RARB: variants seen among roughly 807,000 people sequenced by gnomAD.
RARB encodes the protein HBV-activated protein.
RARB carries 17 observed loss-of-function variants against 51.9 expected under a neutral mutation model. The ratio of observed to expected loss-of-function variants is 0.33; its 90% CI spans 0.22 to 0.49. The LOEUF (loss-of-function observed/expected upper bound fraction) is 0.49, where lower values mean the gene tolerates loss of function less well. RARB is among the 20% of genes least tolerant of loss of function. RARB has a pLI of 0.99. For missense variants in RARB, 369 were observed against 550.8 expected (o/e 0.67, Z 3.30); for synonymous variants, 215 against 195.4 (o/e 1.10, Z -0.84).
intron 2 of RARB, among the ~76,000 whole-genome samples, chr3:25,052,135 C>A (rs986902459): frequency 6.6e-6 from 1 of 152,192 alleles, no homozygotes; most frequent in Non-Finnish European, 1.5e-5. Flanking sequence ...AATTGGCCTA[C>A]ACCTAACTTA....
chr3:25,297,120 T>C (rs1226363928), intron 5 of RARB, among the ~76,000 whole-genome samples: 2 of 152,176 alleles, frequency 1.3e-5, no homozygotes, highest in African/African-American at 2.4e-5. Context: ...CTTCAGGAAA[T>C]CCATGAACTC....
intron 3 of RARB, among the ~76,000 whole-genome samples, chr3:25,542,577 A>T (rs184469809): frequency 2.6e-5 from 4 of 152,352 alleles, no homozygotes; most frequent in African/African-American, 7.2e-5. Flanking sequence ...GTCTTAACTC[A>T]TCTAAGAATG....
intron 2 of RARB, among the ~76,000 whole-genome samples, chr3:24,877,143 T>G (rs181945851): frequency 1.1e-3 from 172 of 152,146 alleles, no homozygotes; most frequent in African/African-American, 4.0e-3. Context: ...AAGTAATATA[T>G]CTATATATCT....
chr3:25,239,228 A>G (rs969214483), intron 5 of RARB, among the ~76,000 whole-genome samples: 2 of 152,156 alleles, frequency 1.3e-5, no homozygotes, highest in Non-Finnish European at 2.9e-5. Context: ...ATAGTTTGCA[A>G]ATATTTTTCC....
At chr3:25,278,016 T>C (rs974619577) in intron 5 of RARB, among the ~76,000 whole-genome samples, 4 of 152,220 alleles carry the variant, frequency 2.6e-5, no homozygotes, top group East Asian at 1.9e-4. Context: ...ACTCATCCTT[T>C]CATGCAGATA....
intron 5 of RARB, among the ~76,000 whole-genome samples, chr3:25,313,849 C>T (rs1004313417): frequency 2.0e-5 from 3 of 152,144 alleles, no homozygotes; most frequent in African/African-American, 4.8e-5. Context: ...GCAGAAAGAT[C>T]GCTTGAGCCC....
At chr3:25,291,370 T>C (rs1269069840) in intron 5 of RARB, among the ~76,000 whole-genome samples, 1 of 152,136 alleles carries the variant, frequency 6.6e-6, no homozygotes, top group East Asian at 1.9e-4. Context: ...TAAACTTTTC[T>C]TTGTACTCAT....
At chr3:25,040,628 C>T (rs1698093180) in intron 2 of RARB, among the ~76,000 whole-genome samples, 1 of 152,192 alleles carries the variant, frequency 6.6e-6, no homozygotes, top group Middle Eastern at 3.4e-3. Context: ...GCTCGGGAGA[C>T]TGAGGCAGAA....
At chr3:25,049,951 T>C (rs1698293262) in intron 2 of RARB, among the ~76,000 whole-genome samples, 1 of 152,200 alleles carries the variant, frequency 6.6e-6, no homozygotes, top group African/African-American at 2.4e-5. Context: ...TAGTTTGTTG[T>C]TAGTGATGTG....
At chr3:25,176,700 A>G (rs752287586) in intron 5 of RARB, among the ~76,000 whole-genome samples, 29 of 152,188 alleles carry the variant, frequency 1.9e-4, no homozygotes, top group Middle Eastern at 6.8e-3. Flanking sequence ...GGTCTTGGCT[A>G]CTACTGATTT....
chr3:25,433,045 T>G (rs901486313), intron 1 of RARB, among the ~76,000 whole-genome samples: 4 of 152,228 alleles, frequency 2.6e-5, no homozygotes, highest in African/African-American at 7.2e-5. Flanking sequence ...TAATATAAAT[T>G]CAGTTAACTA....
At chr3:24,949,138 C>T (rs867480159) in intron 2 of RARB, among the ~76,000 whole-genome samples, 1 of 152,144 alleles carries the variant, frequency 6.6e-6, no homozygotes, top group Non-Finnish European at 1.5e-5. Flanking sequence ...ACTTGGGAAA[C>T]GTCACTGCAC....
chr3:25,003,933 A>T (rs1249509562), intron 2 of RARB, among the ~76,000 whole-genome samples: 3 of 152,170 alleles, frequency 2.0e-5, no homozygotes, highest in African/African-American at 7.2e-5. Context: ...AACCTAAGAA[A>T]ACAGATTGGC....
intron 5 of RARB, among the ~76,000 whole-genome samples, chr3:25,187,973 A>T (rs1362427587): frequency 6.6e-6 from 1 of 152,116 alleles, no homozygotes; most frequent in Non-Finnish European, 1.5e-5. Flanking sequence ...TTAGAGAATG[A>T]AAATAACAAG....
At chr3:25,052,345 T>C (rs889101071) in intron 2 of RARB, among the ~76,000 whole-genome samples, 38 of 152,180 alleles carry the variant, frequency 2.5e-4, no homozygotes, top group African/African-American at 8.4e-4. Context: ...AAACTCAATT[T>C]TGAGATACAG....
chr3:25,144,288 A>G (rs913820051), intron 4 of RARB, among the ~76,000 whole-genome samples: 3 of 152,274 alleles, frequency 2.0e-5, no homozygotes, highest in East Asian at 1.9e-4. Context: ...GAGGCCCTTC[A>G]AATTCTGCTT....
intron 1 of RARB, among the ~76,000 whole-genome samples, chr3:24,831,308 AT>A (rs1702278105): frequency 1.3e-5 from 2 of 152,222 alleles, no homozygotes; most frequent in South Asian, 4.1e-4. Context: ...ACACATAACA[AT>A]TGATGGTATG....
chr3:25,255,665 G>A (rs1702846681), intron 5 of RARB, among the ~76,000 whole-genome samples: 1 of 151,250 alleles, frequency 6.6e-6, no homozygotes, highest in East Asian at 1.9e-4. Context: ...TTTAGTCTTT[G>A]ATTGTAGAGA....
chr3:25,048,782 G>A (rs1366727908), intron 2 of RARB, among the ~76,000 whole-genome samples: 2 of 141,256 alleles, frequency 1.4e-5, no homozygotes, highest in African/African-American at 5.3e-5. Context: ...TTGAGACGGA[G>A]TCTCGCTCTG....
Sources: gnomAD v4.1 joint callset for allele counts (sites outside exome capture counted in the v4.1 genomes callset) on GRCh38, gnomAD v4.1.1 for gene constraint, MANE v1.5 for transcripts, NCBI Gene and HGNC (gene_info 2026-07-23, HGNC 2026-07-21) for gene names.